TNRC6B: variants seen among roughly 807,000 people sequenced by gnomAD.
TNRC6B encodes trinucleotide repeat-containing gene 6B protein.
Under a neutral mutation model 203.6 loss-of-function variants are expected in TNRC6B, and 52 were observed. The ratio of observed to expected loss-of-function variants is 0.26; its 90% CI spans 0.20 to 0.32. The LOEUF (loss-of-function observed/expected upper bound fraction) is 0.32. Ranked by LOEUF, TNRC6B falls within the 10% of genes least tolerant of loss-of-function variation. TNRC6B has a pLI of 1.00. For synonymous variants in TNRC6B, 838 were observed against 845.7 expected, an observed-to-expected ratio of 0.99 and a Z score of 0.16; for missense variants, 1,923 against 2,286.2, an observed-to-expected ratio of 0.84 and a Z score of 3.24.
intron 1 of TNRC6B, among the ~76,000 whole-genome samples, chr22:40,108,948 C>A (rs542842765): frequency 8.0e-5 from 12 of 150,126 alleles, no homozygotes; most frequent in African/African-American, 2.7e-4. Flanking sequence ...CACCCCCAGC[C>A]AACAGGCCCA....
intron 7 of TNRC6B, 106 bp from the exon 8 acceptor site, chr22:40,276,971 G>A: frequency 1.4e-6 from 1 of 693,966 alleles, no homozygotes; most frequent in Non-Finnish European, 2.2e-6. Context: ...AGAGAAATAG[G>A]ACTTAAAAAG....
At chr22:40,297,102 C>G (rs2070954629) in intron 12 of TNRC6B, among the ~76,000 whole-genome samples, 1 of 152,184 alleles carries the variant, frequency 6.6e-6, no homozygotes, top group African/African-American at 2.4e-5. Context: ...TTCATACATT[C>G]CCTTCATTGA....
intron 1 of TNRC6B, among the ~76,000 whole-genome samples, chr22:40,061,449 C>T (rs1390775427): frequency 6.6e-6 from 1 of 151,878 alleles, no homozygotes; most frequent in Non-Finnish European, 1.5e-5. Flanking sequence ...TCTCGAACTC[C>T]TGACCTCAGG....
chr22:40,089,961 T>C (rs2068136670), intron 1 of TNRC6B, among the ~76,000 whole-genome samples: 1 of 152,222 alleles, frequency 6.6e-6, no homozygotes, highest in Non-Finnish European at 1.5e-5. Context: ...GATGGCTTCT[T>C]TCACTTGGTA....
intron 1 of TNRC6B, among the ~76,000 whole-genome samples, chr22:40,199,819 A>G (rs1048514704): frequency 9.2e-5 from 14 of 151,630 alleles, no homozygotes; most frequent in Non-Finnish European, 2.1e-4. Context: ...TTTGAGACAG[A>G]GTCTGGCTCT....
intron 1 of TNRC6B, among the ~76,000 whole-genome samples, chr22:40,108,400 T>C (rs552364334): frequency 2.6e-5 from 4 of 152,366 alleles, no homozygotes; most frequent in African/African-American, 9.6e-5. Flanking sequence ...GTTTGTGTTC[T>C]TGGAAGTTAG....
chr22:40,278,071 G>A (rs1197551123), intron 9 of TNRC6B, 27 bp downstream of exon 9: 2 of 1,546,146 alleles, frequency 1.3e-6, no homozygotes, highest in East Asian at 2.4e-5. Flanking sequence ...TGAAAAGAAT[G>A]GAGTATATCA....
intron 4 of TNRC6B, among the ~76,000 whole-genome samples, chr22:40,160,729 CTT>C (rs914173279): frequency 9.9e-5 from 15 of 151,466 alleles, no homozygotes; most frequent in African/African-American, 3.2e-4. Flanking sequence ...AGCCCAGATA[CTT>C]TTTTTTGCTT....
chr22:40,311,337 T>A (rs2071177440), intron 17 of TNRC6B, among the ~76,000 whole-genome samples: 1 of 152,222 alleles, frequency 6.6e-6, no homozygotes, highest in African/African-American at 2.4e-5. Flanking sequence ...CAGTAGCGAT[T>A]GCAATGAGAT....
intron 1 of TNRC6B, among the ~76,000 whole-genome samples, chr22:40,245,598 A>G (rs1023579381): frequency 6.6e-6 from 1 of 152,230 alleles, no homozygotes; most frequent in African/African-American, 2.4e-5. Context: ...TGATAAATAC[A>G]TATGTACCAT....
upstream of TNRC6B, among the ~76,000 whole-genome samples, chr22:40,177,162 T>G (rs548412721): frequency 6.6e-6 from 1 of 152,130 alleles, no homozygotes; most frequent in African/African-American, 2.4e-5. Context: ...GGTTTTAATT[T>G]AGTGCCTAGG....
chr22:40,101,893 A>G (rs2068244212), intron 1 of TNRC6B, among the ~76,000 whole-genome samples: 2 of 152,220 alleles, frequency 1.3e-5, no homozygotes, highest in Non-Finnish European at 2.9e-5. Flanking sequence ...GTCTAAGTCA[A>G]ATCTCATTAT....
In TNRC6B at chr22:40,055,207, A is replaced by T. The variant is rs535756692; in HGVS notation, c.-121+10209A>T. Reference sequence around the variant, plus strand: ...AGCCAGGTGGGTGAGACAGATGTGGACACAGATGAGTGCCATTTAGTGTAA... The same window carrying T: ...AGCCAGGTGGGTGAGACAGATGTGGTCACAGATGAGTGCCATTTAGTGTAA... On this transcript the variant is annotated intron_variant, in intron 1 of 23. Transcript: ENST00000301923. 3.9e-5 allele frequency among the ~76,000 whole-genome samples: 6 copies of T among 152,290 alleles called. No individual in the cohort carries two copies. The South Asian group carries it at 1.2e-3, about 32-fold the overall frequency.
chr22:40,108,922 C>T (rs2068309161), intron 1 of TNRC6B, among the ~76,000 whole-genome samples: 1 of 151,260 alleles, frequency 6.6e-6, no homozygotes, highest in Non-Finnish European at 1.5e-5. Flanking sequence ...CCTGATGTCT[C>T]CCTCCCCCCG....
intron 1 of TNRC6B, among the ~76,000 whole-genome samples, chr22:40,064,680 G>C (rs1020314207): frequency 6.7e-6 from 1 of 149,916 alleles, no homozygotes; most frequent in African/African-American, 2.5e-5. Context: ...GTAGTGGCAC[G>C]ATCTCGGCTC....
intron 3 of TNRC6B, among the ~76,000 whole-genome samples, chr22:40,256,848 G>A (rs1023991471): frequency 7.9e-5 from 12 of 152,210 alleles, no homozygotes; most frequent in African/African-American, 2.9e-4. Context: ...GACGAGTGGT[G>A]TCAGAAGCTG....
At chr22:40,111,754 C>T (rs1209252777) in intron 1 of TNRC6B, among the ~76,000 whole-genome samples, 1 of 152,130 alleles carries the variant, frequency 6.6e-6, no homozygotes, top group East Asian at 1.9e-4. Context: ...AAGGTCAGCA[C>T]TAGAGAAAGA....
intron 1 of TNRC6B, among the ~76,000 whole-genome samples, chr22:40,052,518 A>G (rs919697076): frequency 3.0e-5 from 4 of 132,434 alleles, no homozygotes; most frequent in Non-Finnish European, 6.1e-5. Flanking sequence ...GTGCAGTGGC[A>G]TAAACATGGC....
At chr22:40,201,823 C>T (rs932442977) in intron 1 of TNRC6B, among the ~76,000 whole-genome samples, 1 of 152,006 alleles carries the variant, frequency 6.6e-6, no homozygotes, top group African/African-American at 2.4e-5. Flanking sequence ...AGCACCAGCA[C>T]GATACTGAGA....
Sources: gnomAD v4.1 joint callset for allele counts (sites outside exome capture counted in the v4.1 genomes callset) on GRCh38, gnomAD v4.1.1 for gene constraint, MANE v1.5 for transcripts, NCBI Gene and HGNC (gene_info 2026-07-23, HGNC 2026-07-21) for gene names.